SLC10A7: variants seen among roughly 807,000 people sequenced by gnomAD.
SLC10A7 encodes sodium/bile acid cotransporter 7.
SLC10A7 carries 29 observed loss-of-function variants against 43.2 expected under a neutral mutation model. That is an observed-to-expected ratio of 0.67 (90% CI 0.50 to 0.92). The LOEUF is 0.92. Among genes scored for constraint, SLC10A7 ranks in the 40% least tolerant of loss-of-function variants. SLC10A7 has a pLI of 0.00. For synonymous variants in SLC10A7, 152 were observed against 144.8 expected, an observed-to-expected ratio of 1.05 and a Z score of -0.35; for missense variants, 295 against 403.2, an observed-to-expected ratio of 0.73 and a Z score of 2.30.
At chr4:146,299,115 C>T (rs1730982751) in intron 7 of SLC10A7, among the ~76,000 whole-genome samples, 1 of 152,192 alleles carries the variant, frequency 6.6e-6, no homozygotes, top group Admixed American at 6.5e-5. Flanking sequence ...CCCTCTAGTT[C>T]CCATTTTCTG....
At chr4:146,313,781 A>C (rs954973018) in intron 6 of SLC10A7, among the ~76,000 whole-genome samples, 1 of 151,964 alleles carries the variant, frequency 6.6e-6, no homozygotes, top group Admixed American at 6.5e-5. Context: ...GCTGACCTAG[A>C]CCTCTCTCTT....
intron 5 of SLC10A7, among the ~76,000 whole-genome samples, chr4:146,356,734 A>AT (rs201656209): frequency 1.2e-3 from 187 of 151,598 alleles, no homozygotes; most frequent in African/African-American, 3.4e-3. Flanking sequence ...TCTACAAGGG[A>AT]TTTTTTTTTG....
chr4:146,439,266 C>G (rs1404736932), intron 5 of SLC10A7, among the ~76,000 whole-genome samples: 1 of 152,012 alleles, frequency 6.6e-6, no homozygotes, highest in Non-Finnish European at 1.5e-5. Context: ...CCTAAAAACA[C>G]TGTTTAAATT....
At chr4:146,412,747 GA>G (rs1728286260) in intron 5 of SLC10A7, among the ~76,000 whole-genome samples, 1 of 152,234 alleles carries the variant, frequency 6.6e-6, no homozygotes, top group Admixed American at 6.5e-5. Context: ...AACAGGAGGA[GA>G]AATGGGGAGC....
intron 4 of SLC10A7, among the ~76,000 whole-genome samples, chr4:146,456,723 A>T (rs1200811575): frequency 2.6e-5 from 4 of 151,928 alleles, no homozygotes; most frequent in Non-Finnish European, 1.5e-5. Context: ...CTCATTATGT[A>T]GGCATAATTG....
At chr4:146,390,807 A>G (rs370846050) in intron 5 of SLC10A7, among the ~76,000 whole-genome samples, 1 of 152,118 alleles carries the variant, frequency 6.6e-6, no homozygotes, top group East Asian at 1.9e-4. Flanking sequence ...ACTTGCCTGC[A>G]TTGTAAGTAC....
intron 7 of SLC10A7, among the ~76,000 whole-genome samples, chr4:146,302,958 T>C (rs964025368): frequency 3.9e-5 from 6 of 152,220 alleles, no homozygotes; most frequent in Non-Finnish European, 5.9e-5. Flanking sequence ...GAGATACTTA[T>C]ACCCACAGCT....
At chr4:146,380,414 A>G (rs1161324102) in intron 5 of SLC10A7, among the ~76,000 whole-genome samples, 3 of 152,222 alleles carry the variant, frequency 2.0e-5, no homozygotes, top group Non-Finnish European at 2.9e-5. Flanking sequence ...GTTCTGCTCT[A>G]TAAAAACTAC....
chr4:146,457,319 G>A (rs920521150), intron 4 of SLC10A7, among the ~76,000 whole-genome samples: 1 of 151,826 alleles, frequency 6.6e-6, no homozygotes, highest in Admixed American at 6.6e-5. Flanking sequence ...CATACAATGT[G>A]TAATAATCAC....
chr4:146,272,248 G>A (rs1728943151), intron 10 of SLC10A7, among the ~76,000 whole-genome samples: 1 of 152,184 alleles, frequency 6.6e-6, no homozygotes, highest in Non-Finnish European at 1.5e-5. Context: ...AAGTGTCACA[G>A]CTACAATTTC....
chr4:146,419,506 A>G (rs930257944), intron 5 of SLC10A7, among the ~76,000 whole-genome samples: 3 of 152,170 alleles, frequency 2.0e-5, no homozygotes, highest in Non-Finnish European at 2.9e-5. Flanking sequence ...TTACACTTTT[A>G]TTTTGAAAAA....
At chr4:146,282,153 AC>A (rs1181206430) in intron 10 of SLC10A7, among the ~76,000 whole-genome samples, 1 of 152,192 alleles carries the variant, frequency 6.6e-6, no homozygotes, top group African/African-American at 2.4e-5. Context: ...GATTATAGCT[AC>A]ACAGATACAA....
chr4:146,480,908 C>A (rs1734415786), intron 4 of SLC10A7, among the ~76,000 whole-genome samples: 2 of 152,066 alleles, frequency 1.3e-5, no homozygotes, highest in Non-Finnish European at 2.9e-5. Context: ...TAAAGGAGAG[C>A]ACCAGAGAAC....
intron 6 of SLC10A7, among the ~76,000 whole-genome samples, chr4:146,315,105 G>C (rs1479413243): frequency 6.6e-6 from 1 of 152,026 alleles, no homozygotes; most frequent in African/African-American, 2.4e-5. Flanking sequence ...ACGGAGACTG[G>C]TAGTCATATG....
At chr4:146,358,714 C>A (rs1735833761) in intron 5 of SLC10A7, among the ~76,000 whole-genome samples, 2 of 152,104 alleles carry the variant, frequency 1.3e-5, no homozygotes, top group African/African-American at 4.8e-5. Context: ...TCAGCTTTTC[C>A]ATTCATATTT....
At chr4:146,484,951 C>A (rs1257546455) in intron 4 of SLC10A7, among the ~76,000 whole-genome samples, 2 of 152,162 alleles carry the variant, frequency 1.3e-5, no homozygotes, top group Non-Finnish European at 2.9e-5. Flanking sequence ...ATAGGCAGAT[C>A]CTTCCAATGA....
At chr4:146,487,362 C>T (rs1735011321) in intron 4 of SLC10A7, among the ~76,000 whole-genome samples, 1 of 152,124 alleles carries the variant, frequency 6.6e-6, no homozygotes, top group Admixed American at 6.5e-5. Context: ...TCTGTGAAAA[C>T]ATACAAGGTT....
intron 5 of SLC10A7, among the ~76,000 whole-genome samples, chr4:146,340,535 GGAGAGAGAGAGAGAGAGA>G (rs35059793): frequency 1.4e-5 from 2 of 141,830 alleles, no homozygotes; most frequent in African/African-American, 5.1e-5. Context: ...ATATATATAT[GGAGAGAGAGAGAGAGAGA>G]GAGAGAGAGT....
At chr4:146,294,171 G>C (rs1730628136) in intron 7 of SLC10A7, 76 bp from the exon 8 acceptor site, 2 of 1,187,640 alleles carry the variant, frequency 1.7e-6, no homozygotes, top group African/African-American at 1.5e-5. Context: ...AAGTGATTCT[G>C]ACAGGAGAAA....
Sources: gnomAD v4.1 joint callset for allele counts (sites outside exome capture counted in the v4.1 genomes callset) on GRCh38, gnomAD v4.1.1 for gene constraint, MANE v1.5 for transcripts, NCBI Gene and HGNC (gene_info 2026-07-23, HGNC 2026-07-21) for gene names.